The following TBXAS1 variants were observed in gnomAD, a reference collection of about 807,000 sequenced individuals.
The protein encoded by TBXAS1 is thromboxane A synthase 1.
TBXAS1 carries 48 observed loss-of-function variants against 60.7 expected under a neutral mutation model. The ratio of observed to expected loss-of-function variants is 0.79; its 90% CI spans 0.63 to 1.01. TBXAS1 has a LOEUF of 1.01. TBXAS1 is among the 50% of genes least tolerant of loss of function. The pLI is 0.00. For missense variants in TBXAS1, 685 were observed against 686.3 expected (o/e 1.00, Z 0.02); for synonymous variants, 287 against 269.7 (o/e 1.06, Z -0.63).
chr7:139,887,648 C>T (rs994746562), intron 3 of TBXAS1, among the ~76,000 whole-genome samples: 6 of 152,166 alleles, frequency 3.9e-5, no homozygotes, highest in African/African-American at 1.4e-4. Flanking sequence ...TAAGCCTATT[C>T]TGCCTTTTGT....
chr7:139,958,760 G>A (rs1421974094), intron 8 of TBXAS1, among the ~76,000 whole-genome samples: 1 of 152,228 alleles, frequency 6.6e-6, no homozygotes, highest in African/African-American at 2.4e-5. Context: ...GGCATGGGAA[G>A]GTGTAGGCAA....
At chr7:139,927,131 A>T (rs939674526) in intron 4 of TBXAS1, among the ~76,000 whole-genome samples, 11 of 150,426 alleles carry the variant, frequency 7.3e-5, no homozygotes, top group Admixed American at 2.0e-4. Context: ...AGTAGCTGGG[A>T]TTACAGGCGT....
Position 140,020,108 on chromosome 7 carries a change from G to A in TBXAS1, c.*9G>A. ...AGATCGTATCCCGCTGACACAGAAG[G>A]CTGCCGGGTGGGGGGAGGGCACCCC... On this transcript the variant is annotated 3_prime_UTR_variant, in exon 13 of 13. Transcript: ENST00000448866. 1 of 1,613,652 alleles carries A rather than the reference G, an allele frequency of 6.2e-7. No individual in the cohort carries two copies. The highest frequency in any genetic ancestry group is 8.5e-7 in the Non-Finnish European group (1 of 1,179,770).
At chr7:139,952,553 T>G in intron 5 of TBXAS1, 1 of 1,536,778 alleles carries the variant, frequency 6.5e-7, no homozygotes, top group Non-Finnish European at 8.7e-7. Flanking sequence ...ATTTTCAGCT[T>G]GGCCTTTTAA....
chr7:139,900,361 A>T (rs763192257), intron 3 of TBXAS1, among the ~76,000 whole-genome samples: 8 of 152,164 alleles, frequency 5.3e-5, no homozygotes, highest in Non-Finnish European at 1.2e-4. Context: ...GGCTGGATGA[A>T]CCCGGATCCC....
At chr7:139,993,295 G>T (rs1394998781) in intron 9 of TBXAS1, among the ~76,000 whole-genome samples, 1 of 152,172 alleles carries the variant, frequency 6.6e-6, no homozygotes, top group Admixed American at 6.5e-5. Context: ...TCATGTTGGG[G>T]AATAGGGTTT....
At chr7:139,948,620 T>C (rs1808940981) in intron 5 of TBXAS1, among the ~76,000 whole-genome samples, 1 of 152,206 alleles carries the variant, frequency 6.6e-6, no homozygotes, top group South Asian at 2.1e-4. Context: ...TTACTCATTA[T>C]CCCATGAAGA....
chr7:140,017,860 G>A (rs1815220103), intron 12 of TBXAS1, 27 bp downstream of exon 12: 9 of 1,613,920 alleles, frequency 5.6e-6, no homozygotes, highest in Non-Finnish European at 6.8e-6. Context: ...CAGAGGCAGG[G>A]GCAGGGGCAG....
chr7:139,966,467 G>C (rs576496251), intron 9 of TBXAS1, among the ~76,000 whole-genome samples: 1 of 152,318 alleles, frequency 6.6e-6, no homozygotes, highest in African/African-American at 2.4e-5. Context: ...CCCTGTCCAA[G>C]TTGTTCTCTC....
intron 4 of TBXAS1, among the ~76,000 whole-genome samples, chr7:139,921,340 T>A (rs186329930): frequency 1.3e-5 from 2 of 152,358 alleles, no homozygotes; most frequent in East Asian, 3.9e-4. Context: ...ACTTACAGTA[T>A]GTATCCTTTT....
intron 1 of TBXAS1, among the ~76,000 whole-genome samples, chr7:139,849,785 T>C (rs1800085419): frequency 1.3e-5 from 2 of 152,244 alleles, no homozygotes; most frequent in Admixed American, 1.3e-4. Context: ...GAAACCTGAA[T>C]GCAGAAAGCG....
chr7:139,939,903 G>A (rs1330065108), intron 5 of TBXAS1, among the ~76,000 whole-genome samples: 1 of 152,188 alleles, frequency 6.6e-6, no homozygotes, highest in Non-Finnish European at 1.5e-5. Context: ...GGACGAAAAA[G>A]TGCACAGCAA....
intron 4 of TBXAS1, 28 bp from the exon 5 acceptor site, chr7:139,936,163 T>C (rs1398976591): frequency 6.2e-7 from 1 of 1,612,984 alleles, no homozygotes. Flanking sequence ...CCCTGAGTCC[T>C]GACCCTCTGC....
intron 7 of TBXAS1, among the ~76,000 whole-genome samples, chr7:139,957,364 C>T (rs956175098): frequency 1.3e-5 from 2 of 152,166 alleles, no homozygotes; most frequent in Non-Finnish European, 2.9e-5. Context: ...ATGAGGGTGA[C>T]CTTGACCTCT....
chr7:139,889,781 C>A (rs1292358257), intron 3 of TBXAS1, among the ~76,000 whole-genome samples: 1 of 152,234 alleles, frequency 6.6e-6, no homozygotes, highest in East Asian at 1.9e-4. Context: ...GCCCTCATGA[C>A]CCATTTGTCC....
intron 1 of TBXAS1, among the ~76,000 whole-genome samples, chr7:139,861,806 C>T (rs1800986815): frequency 6.6e-6 from 1 of 152,146 alleles, no homozygotes; most frequent in South Asian, 2.1e-4. Flanking sequence ...GTCTTGCTGG[C>T]CTGAAGTCAA....
chr7:139,853,023 C>A (rs937807538), intron 1 of TBXAS1, among the ~76,000 whole-genome samples: 1 of 151,674 alleles, frequency 6.6e-6, no homozygotes. Context: ...CTGCTCTGCA[C>A]AAGCCAGGTC....
At chr7:139,891,249 T>A (rs192504594) in intron 3 of TBXAS1, among the ~76,000 whole-genome samples, 80 of 149,648 alleles carry the variant, frequency 5.3e-4, no homozygotes, top group African/African-American at 1.6e-3. Context: ...ATATATATAT[T>A]TATTTATTTA....
At chr7:139,983,405 A>G (rs534412532) in intron 9 of TBXAS1, among the ~76,000 whole-genome samples, 40 of 152,332 alleles carry the variant, frequency 2.6e-4, no homozygotes, top group Non-Finnish European at 5.3e-4. Flanking sequence ...ATCTGTTATA[A>G]AGATTCCCTT....
Sources: allele counts gnomAD v4.1 joint callset (sites outside exome capture counted in the v4.1 genomes callset), GRCh38; gene constraint gnomAD v4.1.1; transcripts MANE v1.5; gene names NCBI Gene and HGNC (gene_info 2026-07-23, HGNC 2026-07-21).